The following RNF24 variants were observed in gnomAD, a reference collection of about 807,000 sequenced individuals.
The protein encoded by RNF24 is ring finger protein 24.
RNF24 carries 14 observed loss-of-function variants against 20.0 expected under a neutral mutation model. The ratio of observed to expected loss-of-function variants is 0.70; its 90% CI spans 0.46 to 1.10. RNF24 has a LOEUF of 1.10. Ranked by LOEUF, RNF24 falls within the 50% of genes least tolerant of loss-of-function variation. The pLI is 0.00. For synonymous variants in RNF24, 45 were observed against 61.1 expected (o/e 0.74, Z 1.23); for missense variants, 124 against 177.6 (o/e 0.70, Z 1.71).
rs1461390208 is a variant in RNF24, at chr20:3,934,226, G to T, written c.309-25C>A. 1 of 1,599,380 alleles carries T rather than the reference G, an allele frequency of 6.3e-7. No individual in the cohort carries two copies. Among genetic ancestry groups the T allele is most frequent in the Admixed American group, 1.7e-5 (1 of 58,388 alleles). Reference sequence around the variant, plus strand: ...CCTGCAGAAGGAGACACCACAGGGGGAAGATGTCAGTCCTATGCTCATGGC... The same window carrying T: ...CCTGCAGAAGGAGACACCACAGGGGTAAGATGTCAGTCCTATGCTCATGGC... On this transcript the variant is annotated intron_variant, in intron 5 of 5. Transcript: ENST00000358395. This position sits in a 1 kb window ranked among gnomAD's most constrained non-coding sequence, Gnocchi z 4.0.
At chr20:3,997,595 T>C (rs1330704019) in intron 1 of RNF24, among the ~76,000 whole-genome samples, 2 of 147,734 alleles carry the variant, frequency 1.4e-5, no homozygotes, top group Non-Finnish European at 3.1e-5. Flanking sequence ...CCCAGCTAAT[T>C]ATTTTTTTTT....
intron 1 of RNF24, among the ~76,000 whole-genome samples, chr20:3,997,215 G>C (rs1174893745): frequency 1.7e-5 from 2 of 119,940 alleles, no homozygotes. Context: ...AACCGACAGA[G>C]CAAGACTCCA....
chr20:3,943,057 C>T (rs1399835545), intron 4 of RNF24, among the ~76,000 whole-genome samples: 4 of 152,094 alleles, frequency 2.6e-5, no homozygotes, highest in African/African-American at 9.7e-5. Flanking sequence ...CACAGGTGAT[C>T]CTCCTGCCTT....
chr20:3,974,880 T>A (rs980585166), intron 1 of RNF24, among the ~76,000 whole-genome samples: 1 of 149,358 alleles, frequency 6.7e-6, no homozygotes, highest in African/African-American at 2.4e-5. Context: ...TCCCAGCAAA[T>A]TTTTTTTTTG....
intron 1 of RNF24, among the ~76,000 whole-genome samples, chr20:3,982,063 G>A (rs1229533964): frequency 6.7e-6 from 1 of 149,226 alleles, no homozygotes; most frequent in Non-Finnish European, 1.5e-5. Flanking sequence ...AGCGCTAATC[G>A]CACCACTGCA....
intron 1 of RNF24, among the ~76,000 whole-genome samples, chr20:4,000,537 T>A (rs1159638607): frequency 6.6e-6 from 1 of 151,720 alleles, no homozygotes; most frequent in African/African-American, 2.4e-5. Flanking sequence ...AAAAAAAAAA[T>A]TATATTAATG....
intron 2 of RNF24, among the ~76,000 whole-genome samples, chr20:3,961,593 C>T (rs568640952): frequency 3.9e-5 from 6 of 151,968 alleles, no homozygotes; most frequent in Admixed American, 3.9e-4. Flanking sequence ...AAGTTAAAGG[C>T]TTACTTAATT....
At chr20:4,013,639 G>C (rs1982642748) in intron 1 of RNF24, among the ~76,000 whole-genome samples, 1 of 152,020 alleles carries the variant, frequency 6.6e-6, no homozygotes, top group Non-Finnish European at 1.5e-5. Context: ...TCGCCACCAT[G>C]CCCGGCTAAT....
intron 1 of RNF24, among the ~76,000 whole-genome samples, chr20:3,970,280 A>G (rs985630856): frequency 2.0e-5 from 3 of 152,128 alleles, no homozygotes; most frequent in Non-Finnish European, 4.4e-5. Context: ...TAAATAGGGA[A>G]CCTGGACTTC....
At chr20:3,991,546 C>T (rs1034590555) in intron 1 of RNF24, among the ~76,000 whole-genome samples, 4 of 152,198 alleles carry the variant, frequency 2.6e-5, no homozygotes, top group Non-Finnish European at 4.4e-5. Context: ...GCCACTGCTC[C>T]ATGCCTTAAG....
intron 1 of RNF24, among the ~76,000 whole-genome samples, chr20:3,996,943 G>A (rs1980915219): frequency 1.3e-5 from 2 of 152,120 alleles, no homozygotes; most frequent in Admixed American, 1.3e-4. Flanking sequence ...ATTTTAGGCT[G>A]GGCGTGGTGG....
chr20:3,977,228 G>A (rs1029363800), intron 1 of RNF24, among the ~76,000 whole-genome samples: 17 of 152,144 alleles, frequency 1.1e-4, no homozygotes, highest in Admixed American at 9.2e-4. Context: ...AAGGCTTCAG[G>A]TTATTTCAGC....
chr20:3,987,409 G>T (rs563396552), intron 1 of RNF24, among the ~76,000 whole-genome samples: 3 of 152,094 alleles, frequency 2.0e-5, no homozygotes, highest in Non-Finnish European at 2.9e-5. Context: ...AAGAAAACAT[G>T]TTTTTTTCTG....
At position 3,934,300 on chromosome 20, in the gene RNF24, G is replaced by C; in HGVS notation, c.309-99C>G. 7.8e-7 allele frequency: 1 copy of C among 1,278,622 alleles called. No individual in the cohort carries two copies. Among genetic ancestry groups the C allele is most frequent in the Middle Eastern group, 2.0e-4 (1 of 5,110 alleles). 79.2% of individuals were successfully genotyped at this position (1,278,622 alleles called of 1,614,324 possible). ...CATATCTGTCACCCAGACAACGTCTGCTGTATGGTCCAAGGAGCTCCCCTC... is the reference window on the plus strand; with the variant it reads ...CATATCTGTCACCCAGACAACGTCTCCTGTATGGTCCAAGGAGCTCCCCTC... On this transcript the variant is annotated intron_variant, in intron 5 of 5. Coordinates refer to ENST00000358395, the MANE Select transcript of RNF24 (RefSeq NM_001134337.3). The surrounding 1 kb of genome is among the most constrained non-coding windows in gnomAD (Gnocchi z 4.0).
At chr20:3,935,098 GC>G in intron 4 of RNF24, 25 bp from the exon 5 acceptor site, 2 of 1,608,228 alleles carry the variant, frequency 1.2e-6, no homozygotes, top group Non-Finnish European at 1.7e-6. Context: ...CACAAATGAA[GC>G]CAAGTGTCTG....
chr20:4,006,226 G>A (rs1036485311), intron 1 of RNF24, among the ~76,000 whole-genome samples: 5 of 152,120 alleles, frequency 3.3e-5, no homozygotes, highest in African/African-American at 1.2e-4. Flanking sequence ...AAAATTAGCT[G>A]AGTGTGGTGG....
intron 2 of RNF24, among the ~76,000 whole-genome samples, chr20:3,951,553 C>A (rs2091081833): frequency 6.6e-6 from 1 of 152,132 alleles, no homozygotes; most frequent in Admixed American, 6.5e-5. Context: ...TTCTCTAATT[C>A]CTTGCACATT....
intron 1 of RNF24, among the ~76,000 whole-genome samples, chr20:3,979,702 T>C (rs1979221570): frequency 6.6e-6 from 1 of 151,950 alleles, no homozygotes; most frequent in African/African-American, 2.4e-5. Context: ...TAAAATAAAA[T>C]AAAATGACTT....
rs1363679149 is a variant in RNF24, at chr20:3,934,666, T to C, written c.308+328A>G. On this transcript the variant is annotated intron_variant, in intron 5 of 5. Transcript: ENST00000358395. The surrounding 1 kb of genome is among the most constrained non-coding windows in gnomAD (Gnocchi z 4.0). ...ACTTTATTTTGATTTTAAATAACTATGGTTTTGATTTAAATAAGTTTTTAG... is the reference window on the plus strand; with the variant it reads ...ACTTTATTTTGATTTTAAATAACTACGGTTTTGATTTAAATAAGTTTTTAG... 6.6e-6 allele frequency among the ~76,000 whole-genome samples: 1 copy of C among 152,178 alleles called. No individual in the cohort carries two copies. Among genetic ancestry groups the C allele is most frequent in the Non-Finnish European group, 1.5e-5 (1 of 68,042 alleles).
Sources: allele counts gnomAD v4.1 joint callset (sites outside exome capture counted in the v4.1 genomes callset), GRCh38; gene constraint gnomAD v4.1.1; non-coding constraint Gnocchi (gnomAD v3.1); transcripts MANE v1.5; gene names NCBI Gene and HGNC (gene_info 2026-07-23, HGNC 2026-07-21).